ZNF75A: variants seen among roughly 807,000 people sequenced by gnomAD.
ZNF75A encodes the protein zinc finger protein 75A.
ZNF75A carries 36 observed loss-of-function variants against 46.3 expected under a neutral mutation model. That is an observed-to-expected ratio of 0.78 (90% confidence interval 0.60 to 1.03). ZNF75A has a LOEUF of 1.03. Among genes scored for constraint, ZNF75A ranks in the 50% least tolerant of loss-of-function variants. The pLI, the probability that ZNF75A is intolerant of heterozygous loss-of-function variation, is 0.00. For missense variants in ZNF75A, 595 were observed against 551.3 expected (o/e 1.08, Z -0.79); for synonymous variants, 234 against 189.9 (o/e 1.23, Z -1.91).
At chr16:3,306,967 T>C (rs1456367941) in intron 1 of ZNF75A, 1 of 152,050 alleles carries the variant, frequency 6.6e-6, no homozygotes. Flanking sequence ...TTTTTTTTTT[T>C]TGGAGATGGA....
At chr16:3,315,185 C>T in intron 5 of ZNF75A, 1 of 307,948 alleles carries the variant, frequency 3.2e-6, no homozygotes, top group Non-Finnish European at 4.7e-6. Flanking sequence ...AAAGTACTGT[C>T]ATGTTTTTTT....
In ZNF75A at chr16:3,318,418, G is replaced by T; in HGVS notation, c.*549G>T. On this transcript the variant is annotated 3_prime_UTR_variant, in exon 7 of 7. Coordinates refer to ENST00000669516, the MANE Select transcript of ZNF75A (RefSeq NM_001302109.2). ...AACCACCACTAGGGAATCTCCAGATGAACTATTAATGCACTGTCTTATGCC... is the reference window on the plus strand; with the variant it reads ...AACCACCACTAGGGAATCTCCAGATTAACTATTAATGCACTGTCTTATGCC... 1.0e-6 allele frequency: 1 copy of T among 986,538 alleles called. No homozygotes were observed. The highest frequency in any genetic ancestry group is 1.2e-6 in the Non-Finnish European group (1 of 830,798). 61.1% of individuals were successfully genotyped at this position (986,538 alleles called of 1,614,324 possible). A position where few individuals can be genotyped will look rare whatever the true frequency, so the allele number is the denominator to read the frequency against.
chr16:3,312,946 A>G (rs936846173), intron 4 of ZNF75A, 103 bp from the exon 5 acceptor site: 2 of 1,412,352 alleles, frequency 1.4e-6, no homozygotes, highest in South Asian at 1.5e-5. Flanking sequence ...TAAAAAAATC[A>G]TGTTCTTTTA....
chr16:3,318,919 C>A, downstream of ZNF75A: 1 of 852,486 alleles, frequency 1.2e-6, no homozygotes, highest in Non-Finnish European at 1.4e-6. Flanking sequence ...TAAGCTCTAC[C>A]TGTCTTTGTT....
chr16:3,307,125 T>G (rs1013392333), intron 1 of ZNF75A: 12 of 151,242 alleles, frequency 7.9e-5, no homozygotes, highest in Admixed American at 1.3e-4. Context: ...CTAATTTTTG[T>G]GTTTACAATA....
chr16:3,318,319 G>T lies in ZNF75A; in HGVS notation c.*450G>T, dbSNP rs1351613731. Reference sequence around the variant, plus strand: ...GTTTGCAAAGTTGGACATCACTTGAGTTCCTTCTTAAACTTTTCGGCAACT... The same window carrying T: ...GTTTGCAAAGTTGGACATCACTTGATTTCCTTCTTAAACTTTTCGGCAACT... On this transcript the variant is annotated 3_prime_UTR_variant, in exon 7 of 7. Coordinates refer to ENST00000669516, the MANE Select transcript of ZNF75A (RefSeq NM_001302109.2). 1.0e-6 allele frequency: 1 copy of T among 988,972 alleles called. No individual in the cohort carries two copies. Among genetic ancestry groups the T allele is most frequent in the African/African-American group, 1.7e-5 (1 of 57,246 alleles). The allele number at this position is 988,972 out of a possible 1,614,324, so 61.3% of individuals were successfully genotyped here. A position where few individuals can be genotyped will look rare whatever the true frequency, so the allele number is the denominator to read the frequency against.
chr16:3,323,351 A>G (rs62033651), downstream of ZNF75A: 259,699 of 1,072,398 alleles, frequency 0.24, 36,614 homozygotes, highest in Admixed American at 0.36. Context: ...CTGGGAGGCA[A>G]TTTCATGAAT....
rs770503266 is a variant in ZNF75A at position 3,313,031 on chromosome 16, G to C, written c.697-18G>C. 2 of 1,606,580 alleles carry C rather than the reference G, an allele frequency of 1.2e-6. No homozygotes were observed. Among genetic ancestry groups the C allele is most frequent in the Non-Finnish European group, 1.7e-6 (2 of 1,176,054 alleles). ...GTACAGTGGCAGGTTCTGAGCTGAAGTCCATTCTCTTCTTTAGAGCTTGTT... is the reference window on the plus strand; with the variant it reads ...GTACAGTGGCAGGTTCTGAGCTGAACTCCATTCTCTTCTTTAGAGCTTGTT... On this transcript the variant is annotated intron_variant, in intron 4 of 6. Coordinates refer to ENST00000669516, the MANE Select transcript of ZNF75A (RefSeq NM_001302109.2).
chr16:3,321,465 C>T (rs2029944142), downstream of ZNF75A, among the ~76,000 whole-genome samples: 1 of 152,112 alleles, frequency 6.6e-6, no homozygotes, highest in South Asian at 2.1e-4. Flanking sequence ...GCAGACTGGA[C>T]CTTGAGCTCA....
In ZNF75A at chr16:3,317,924, C is replaced by T. The variant is rs574352487; in HGVS notation, c.*55C>T. 6 of 1,504,636 alleles carry T rather than the reference C, an allele frequency of 4.0e-6. No individual in the cohort carries two copies. The African/African-American group carries it at 5.6e-5, about 14-fold the overall frequency. The allele number at this position is 1,504,636 out of a possible 1,614,324, so 93.2% of individuals were successfully genotyped here. ...AAGACATTCACCAAATGGAGCTTGG[C>T]ACTAAAATTTATGTAAAAGAAAAAT... is the stretch of plus-strand genomic sequence containing the variant. On this transcript the variant is annotated 3_prime_UTR_variant, in exon 7 of 7. Coordinates refer to ENST00000669516, the MANE Select transcript of ZNF75A (RefSeq NM_001302109.2).
downstream of ZNF75A, among the ~76,000 whole-genome samples, chr16:3,321,416 C>G (rs1343151849): frequency 1.3e-5 from 2 of 152,188 alleles, no homozygotes; most frequent in Non-Finnish European, 2.9e-5. Flanking sequence ...AAGTTCAGTG[C>G]TGGGACCATC....
intron 5 of ZNF75A, among the ~76,000 whole-genome samples, 182 bp downstream of exon 5, chr16:3,313,357 G>A (rs993731743): frequency 6.6e-6 from 1 of 152,144 alleles, no homozygotes; most frequent in African/African-American, 2.4e-5. Context: ...TGTACATGCC[G>A]ATTGCTTATC....
In ZNF75A at chr16:3,317,742, G is replaced by A. The variant is rs780565816; in HGVS notation, c.1487G>A (p.Ser496Asn). Reference protein sequence around the residue: ...FTCHECGKKFSQNSHLIKHRR... With the variant: ...FTCHECGKKFNQNSHLIKHRR... Reference sequence around the variant, plus strand: ...TGTCATGAATGTGGAAAAAAATTCAGTCAGAACTCCCACCTTATTAAACAC... The same window carrying A: ...TGTCATGAATGTGGAAAAAAATTCAATCAGAACTCCCACCTTATTAAACAC... The change falls in exon 7 of 7, where the codon AGT (serine) becomes AAT (asparagine). Residue 496 changes from serine (S) to asparagine (N), a missense_variant. Physicochemically the swap from Ser to Asn is conservative, Grantham distance 46 (BLOSUM62 1). Coordinates refer to ENST00000669516, the MANE Select transcript of ZNF75A (RefSeq NM_001302109.2). The A allele has an allele frequency of 8.1e-6, 13 of 1,614,080 alleles. No homozygotes were observed. Among genetic ancestry groups the A allele is most frequent in the Admixed American group, 5.0e-5 (3 of 60,010 alleles).
rs1263832548 is a variant in ZNF75A at position 3,312,765 on chromosome 16, C to T, written c.693C>T (p.Ser231=). 1.8e-6 allele frequency: 2 copies of T among 1,096,894 alleles called. No homozygotes were observed. The highest frequency in any genetic ancestry group is 1.6e-5 in the African/African-American group (1 of 60,998). 67.9% of individuals were successfully genotyped at this position (1,096,894 alleles called of 1,614,324 possible). Reference sequence around the variant, plus strand: ...CACCTGAGCACGTCTTGCCTGAGTCCCAGGTGAGCTGTGCTTTCCAGCTGT... The same window carrying T: ...CACCTGAGCACGTCTTGCCTGAGTCTCAGGTGAGCTGTGCTTTCCAGCTGT... ...TVTPEHVLPE[S]QSLLTFEEVA... The change falls in exon 4 of 7, where the codon TCC becomes TCT. Residue 231 remains serine, a synonymous_variant. Transcript: ENST00000669516.
At chr16:3,322,854 G>A (rs1301305792), downstream of ZNF75A, 19 of 972,982 alleles carry the variant, frequency 2.0e-5, no homozygotes, top group Non-Finnish European at 2.2e-5. Flanking sequence ...GACTGCTCCC[G>A]GAGTCTTAGG....
chr16:3,321,601 G>A (rs2029948671), downstream of ZNF75A, among the ~76,000 whole-genome samples: 1 of 152,192 alleles, frequency 6.6e-6, no homozygotes, highest in Non-Finnish European at 1.5e-5. Flanking sequence ...GAGTATCTGG[G>A]ACTCCAGGCA....
chr16:3,312,670 C>A lies in ZNF75A; in HGVS notation c.605-7C>A. Reference sequence around the variant, plus strand: ...AGAGATTTCTTCTGGCTCTTTTCCCCCCACAGCTGTGCCTACTCAACAGAT... The same window carrying A: ...AGAGATTTCTTCTGGCTCTTTTCCCACCACAGCTGTGCCTACTCAACAGAT... On this transcript the variant is annotated splice_region_variant and splice_polypyrimidine_tract_variant and intron_variant, in intron 3 of 6. Transcript: ENST00000669516. 1 of 1,000,656 alleles carries A rather than the reference C, an allele frequency of 1.0e-6. No individual in the cohort carries two copies. The highest frequency in any genetic ancestry group is 1.2e-6 in the Non-Finnish European group (1 of 837,802). 62.0% of individuals were successfully genotyped at this position (1,000,656 alleles called of 1,614,324 possible). A position where few individuals can be genotyped will look rare whatever the true frequency, so the allele number is the denominator to read the frequency against.
chr16:3,318,093 C>T lies in ZNF75A; in HGVS notation c.*224C>T. The T allele has an allele frequency of 7.7e-7, 1 of 1,294,922 alleles. No individual in the cohort carries two copies. The highest frequency in any genetic ancestry group is 9.8e-7 in the Non-Finnish European group (1 of 1,024,482). 80.2% of individuals were successfully genotyped at this position (1,294,922 alleles called of 1,614,324 possible). On this transcript the variant is annotated 3_prime_UTR_variant, in exon 7 of 7. Coordinates refer to ENST00000669516, the MANE Select transcript of ZNF75A (RefSeq NM_001302109.2). Reference sequence around the variant, plus strand: ...TTGGCTTTGTATTGATCTCTCCAGTCATTTTTGAACACATCCAATAGAAAC... The same window carrying T: ...TTGGCTTTGTATTGATCTCTCCAGTTATTTTTGAACACATCCAATAGAAAC...
chr16:3,321,288 A>G (rs1028054536), downstream of ZNF75A, among the ~76,000 whole-genome samples: 1 of 152,184 alleles, frequency 6.6e-6, no homozygotes, highest in African/African-American at 2.4e-5. Context: ...CCAGGAAACA[A>G]GAAGGATGCT....
Sources: gnomAD v4.1 joint callset for allele counts (sites outside exome capture counted in the v4.1 genomes callset) on GRCh38, gnomAD v4.1.1 for gene constraint, MANE v1.5 for transcripts, NCBI Gene and HGNC (gene_info 2026-07-23, HGNC 2026-07-21) for gene names.